The following MITF variants were observed in gnomAD, a reference collection of about 807,000 sequenced individuals.
MITF encodes melanocyte inducing transcription factor, also known as microphthalmia-associated transcription factor.
Under a neutral mutation model 60.5 loss-of-function variants are expected in MITF, and 17 were observed. That is an observed-to-expected ratio of 0.28 (90% CI 0.19 to 0.42). The LOEUF is 0.42. Among genes scored for constraint, MITF ranks in the 10% least tolerant of loss-of-function variants. The pLI, the probability that MITF is intolerant of heterozygous loss-of-function variation, is 1.00. For synonymous variants in MITF, 260 were observed against 248.5 expected, an observed-to-expected ratio of 1.05 and a Z score of -0.43; for missense variants, 622 against 683.5, an observed-to-expected ratio of 0.91 and a Z score of 1.00.
At chr3:69,934,758 A>G (rs1478906908) in intron 2 of MITF, among the ~76,000 whole-genome samples, 1 of 152,230 alleles carries the variant, frequency 6.6e-6, no homozygotes, top group African/African-American at 2.4e-5. Context: ...TCAGAAGAGA[A>G]ACTTCTTCCC....
At chr3:69,817,365 GA>G (rs1559648911) in intron 1 of MITF, among the ~76,000 whole-genome samples, 1 of 152,112 alleles carries the variant, frequency 6.6e-6, no homozygotes, top group Non-Finnish European at 1.5e-5. Context: ...TTAAAACCAT[GA>G]GATAGCTTCT....
intron 1 of MITF, among the ~76,000 whole-genome samples, chr3:69,862,506 G>T (rs1369749356): frequency 2.0e-5 from 3 of 152,154 alleles, no homozygotes; most frequent in Admixed American, 1.3e-4. Context: ...GTGTGCTCGG[G>T]CTGGGCAATA....
At chr3:69,778,712 G>A (rs1354038249) in intron 1 of MITF, 1 of 152,140 alleles carries the variant, frequency 6.6e-6, no homozygotes, top group Non-Finnish European at 1.5e-5. Flanking sequence ...ATTTTTCTTA[G>A]ATACCTTCTA....
intron 3 of MITF, chr3:69,938,616 C>A (rs749357298): frequency 2.1e-5 from 28 of 1,344,716 alleles, no homozygotes; most frequent in Non-Finnish European, 2.6e-5. Context: ...TGCCACTGCC[C>A]GTTAAATCTG....
chr3:69,757,997 ATGTGTGTGTGTGTGTGTGTGTGTG>A (rs60250386), intron 1 of MITF, among the ~76,000 whole-genome samples: 1 of 116,054 alleles, frequency 8.6e-6, no homozygotes, highest in African/African-American at 3.5e-5. Context: ...ACCCTAGGGC[ATGTGTGTGTGTGTGTGTGTGTGTG>A]TGTGTGTGTG....
rs181166506 is a variant in MITF, at chr3:69,911,553, A to G, written c.355-26269A>G. ...AAAAAGTAATAAATAGGAGAACCAT[A>G]TTGATAACATAAATAACAAGTGTAG... On this transcript the variant is annotated intron_variant, in intron 2 of 9. Coordinates refer to ENST00000352241, the MANE Select transcript of MITF (RefSeq NM_001354604.2). Among the ~76,000 whole-genome samples, 208 of 152,332 alleles carry G rather than the reference A, an allele frequency of 1.4e-3. 4 individuals carry two copies. Among genetic ancestry groups the G allele is most frequent in the Admixed American group, 0.011 (175 of 15,300 alleles).
chr3:69,833,802 G>A (rs1381471833), intron 1 of MITF, among the ~76,000 whole-genome samples: 3 of 152,212 alleles, frequency 2.0e-5, no homozygotes, highest in African/African-American at 7.2e-5. Context: ...TGTTTACACT[G>A]TATATGGTTG....
intron 1 of MITF, among the ~76,000 whole-genome samples, chr3:69,767,266 G>A (rs1001266264): frequency 2.0e-5 from 3 of 152,074 alleles, no homozygotes; most frequent in African/African-American, 7.2e-5. Context: ...AACTCAAAGT[G>A]ACATAAGTAT....
At chr3:69,957,428 AAT>A (rs1441174391) in intron 8 of MITF, among the ~76,000 whole-genome samples, 1 of 152,220 alleles carries the variant, frequency 6.6e-6, no homozygotes, top group Non-Finnish European at 1.5e-5. Flanking sequence ...TTTGTAACAA[AAT>A]AAAATAAAAC....
chr3:69,849,211 G>T (rs966271665), intron 1 of MITF, among the ~76,000 whole-genome samples: 7 of 151,974 alleles, frequency 4.6e-5, no homozygotes, highest in African/African-American at 1.7e-4. Flanking sequence ...TGATCCGCCC[G>T]CCTCGGCCTC....
intron 1 of MITF, among the ~76,000 whole-genome samples, chr3:69,768,439 C>T (rs2062336222): frequency 6.6e-6 from 1 of 152,190 alleles, no homozygotes; most frequent in Non-Finnish European, 1.5e-5. Context: ...ATAAGTAAAT[C>T]TGCTCCAAGA....
intron 1 of MITF, among the ~76,000 whole-genome samples, chr3:69,801,072 T>A (rs956320406): frequency 2.6e-5 from 4 of 151,084 alleles, no homozygotes; most frequent in African/African-American, 7.3e-5. Context: ...TTTTTTTTTT[T>A]ACCTTGAAAT....
chr3:69,911,697 T>C (rs1193467029), intron 2 of MITF, among the ~76,000 whole-genome samples: 1 of 152,196 alleles, frequency 6.6e-6, no homozygotes, highest in African/African-American at 2.4e-5. Flanking sequence ...ACCTAAGGAA[T>C]TGCACATTAA....
chr3:69,750,048 G>T (rs760373907), intron 1 of MITF, among the ~76,000 whole-genome samples: 1 of 152,152 alleles, frequency 6.6e-6, no homozygotes, highest in Non-Finnish European at 1.5e-5. Flanking sequence ...ATGATGTAAC[G>T]GCAGGGAGCT....
chr3:69,919,962 A>G (rs2065425929), intron 2 of MITF, among the ~76,000 whole-genome samples: 1 of 152,232 alleles, frequency 6.6e-6, no homozygotes, highest in Non-Finnish European at 1.5e-5. Flanking sequence ...AAACAAGAAT[A>G]GTTATACCAG....
intron 2 of MITF, among the ~76,000 whole-genome samples, chr3:69,901,495 C>T (rs1434066327): frequency 6.6e-6 from 1 of 152,134 alleles, no homozygotes; most frequent in African/African-American, 2.4e-5. Context: ...TCCTATCCCT[C>T]CCCCAATCCC....
intron 1 of MITF, among the ~76,000 whole-genome samples, chr3:69,833,866 G>T (rs993616648): frequency 2.0e-5 from 3 of 152,160 alleles, no homozygotes; most frequent in African/African-American, 4.8e-5. Context: ...CTGTCCACCT[G>T]CATTCCTTCA....
chr3:69,953,647 G>GTATATATATA (rs773463461), intron 7 of MITF, among the ~76,000 whole-genome samples: 2 of 140,720 alleles, frequency 1.4e-5, no homozygotes, highest in Admixed American at 7.3e-5. Flanking sequence ...ATATATGTAT[G>GTATATATATA]TATATATATA....
At chr3:69,803,307 A>C (rs2062952514) in intron 1 of MITF, among the ~76,000 whole-genome samples, 2 of 152,180 alleles carry the variant, frequency 1.3e-5, no homozygotes, top group African/African-American at 4.8e-5. Context: ...ATACCCCCTA[A>C]GAAACTCTGT....
Sources: gnomAD v4.1 joint callset for allele counts (sites outside exome capture counted in the v4.1 genomes callset) on GRCh38, gnomAD v4.1.1 for gene constraint, MANE v1.5 for transcripts, NCBI Gene and HGNC (gene_info 2026-07-23, HGNC 2026-07-21) for gene names.